Variants in EZH2 observed in about 807,000 individuals in gnomAD.
The protein encoded by EZH2 is histone-lysine N-methyltransferase EZH2.
A neutral mutation model predicts 98.4 loss-of-function variants in EZH2; 18 were observed. The observed-to-expected ratio is 0.18, with a 90% confidence interval of 0.13 to 0.27. The LOEUF is 0.27. Ranked by LOEUF, EZH2 falls within the 10% of genes least tolerant of loss-of-function variation. EZH2 has a pLI of 1.00. For missense variants in EZH2, 470 were observed against 935.1 expected (o/e 0.50, Z 6.49); for synonymous variants, 338 against 312.3 (o/e 1.08, Z -0.87).
At chr7:148,832,932 G>T (rs1487118067) in intron 3 of EZH2, among the ~76,000 whole-genome samples, 182 bp from the exon 4 acceptor site, 2 of 152,080 alleles carry the variant, frequency 1.3e-5, no homozygotes, top group African/African-American at 2.4e-5. Context: ...TACTTAGGGT[G>T]CAAAAATGCT....
intron 5 of EZH2, among the ~76,000 whole-genome samples, chr7:148,829,487 T>C (rs546720159): frequency 6.6e-6 from 1 of 152,366 alleles, no homozygotes; most frequent in East Asian, 1.9e-4. Flanking sequence ...ATTGCCATTA[T>C]GTTATAACCA....
chr7:148,817,786 T>C (rs775991756), intron 10 of EZH2, 91 bp downstream of exon 10: 1 of 1,545,580 alleles, frequency 6.5e-7, no homozygotes, highest in Non-Finnish European at 8.8e-7. Flanking sequence ...ACTAACCAAC[T>C]AAGAAAATTA....
intron 1 of EZH2, among the ~76,000 whole-genome samples, chr7:148,875,233 T>C (rs1452047697): frequency 6.6e-6 from 1 of 152,246 alleles, no homozygotes; most frequent in Non-Finnish European, 1.5e-5. Context: ...AAATGACTCG[T>C]GAATTAAGGA....
chr7:148,881,501 TAC>T (rs1185148167), intron 1 of EZH2, among the ~76,000 whole-genome samples: 1 of 152,208 alleles, frequency 6.6e-6, no homozygotes, highest in Non-Finnish European at 1.5e-5. Flanking sequence ...ACTGACTAAA[TAC>T]ATTCTCAATT....
intron 1 of EZH2, among the ~76,000 whole-genome samples, chr7:148,873,240 C>T (rs1162905483): frequency 1.3e-5 from 2 of 151,894 alleles, no homozygotes; most frequent in Non-Finnish European, 2.9e-5. Context: ...GCCTGTAATC[C>T]TAGCACTTTG....
intron 1 of EZH2, among the ~76,000 whole-genome samples, chr7:148,879,414 G>C (rs1820638306): frequency 6.6e-6 from 1 of 151,660 alleles, no homozygotes; most frequent in Non-Finnish European, 1.5e-5. Flanking sequence ...TCGGAGGCTG[G>C]GCACAGTGAC....
intron 8 of EZH2, among the ~76,000 whole-genome samples, chr7:148,824,690 CTT>C (rs1443452326): frequency 6.6e-6 from 1 of 152,206 alleles, no homozygotes; most frequent in East Asian, 1.9e-4. Context: ...TATTTAGTAA[CTT>C]ATTTTACCTA....
chr7:148,818,223 A>G (rs1159607686), intron 9 of EZH2, 106 bp from the exon 10 acceptor site: 6 of 1,148,172 alleles, frequency 5.2e-6, no homozygotes, highest in African/African-American at 4.6e-5. Context: ...AATGTATCAC[A>G]TTATCCATTT....
chr7:148,832,688 T>C lies in EZH2; in HGVS notation c.309A>G (p.Ala103=), dbSNP rs1449425726. ...AATACATTATGGGTACTGAAGCAAC[T>C]GCATTCAGAGTCTTTAATGGGATGA... The part of the protein sequence containing the change: ...TQVIPLKTLN[A]VASVPIMYSW... Residue 103 remains alanine (A), a synonymous_variant, in exon 4 of 20, where the codon GCA becomes GCG. Transcript: ENST00000320356. The C allele has an allele frequency of 1.2e-6, 2 of 1,611,614 alleles. No individual in the cohort carries two copies. Among genetic ancestry groups the C allele is most frequent in the South Asian group, 2.2e-5 (2 of 90,792 alleles).
chr7:148,815,151 C>G, intron 13 of EZH2, 112 bp from the exon 14 acceptor site: 1 of 1,334,218 alleles, frequency 7.5e-7, no homozygotes, highest in Non-Finnish European at 1.0e-6. Flanking sequence ...AGCTGGCCTG[C>G]CTTTACTGAA....
chr7:148,857,959 T>C (rs1817084101), intron 1 of EZH2, among the ~76,000 whole-genome samples: 2 of 150,396 alleles, frequency 1.3e-5, no homozygotes, highest in Non-Finnish European at 3.0e-5. Flanking sequence ...AAAATATGAA[T>C]AGATGATTAG....
chr7:148,827,036 A>C, intron 7 of EZH2, 128 bp downstream of exon 7: 1 of 657,454 alleles, frequency 1.5e-6, no homozygotes, highest in Non-Finnish European at 2.6e-6. Context: ...TGTTGCTTCA[A>C]GTATCTTGCA....
At chr7:148,848,856 G>A (rs1368092505) in intron 1 of EZH2, among the ~76,000 whole-genome samples, 2 of 152,034 alleles carry the variant, frequency 1.3e-5, no homozygotes, top group African/African-American at 4.8e-5. Flanking sequence ...AAAATCCACA[G>A]ATGCTCAAAA....
intron 8 of EZH2, among the ~76,000 whole-genome samples, chr7:148,825,620 A>G (rs1439804440): frequency 6.6e-6 from 1 of 152,208 alleles, no homozygotes; most frequent in Admixed American, 6.5e-5. Flanking sequence ...AAATCTGTCA[A>G]TGGTAGGCAC....
intron 8 of EZH2, among the ~76,000 whole-genome samples, chr7:148,821,959 C>T (rs1312783683): frequency 2.6e-5 from 4 of 151,982 alleles, no homozygotes; most frequent in Non-Finnish European, 4.4e-5. Context: ...GTTGAGAAAC[C>T]CAAATACATA....
chr7:148,828,827 G>T lies in EZH2; in HGVS notation c.538C>A (p.Gln180Lys). 6.2e-7 allele frequency: 1 copy of T among 1,613,098 alleles called. No homozygotes were observed. Among genetic ancestry groups the T allele is most frequent in the South Asian group, 1.1e-5 (1 of 90,938 alleles). Reference protein sequence around the residue: ...IFVELVNALGQYNDDDDDDDG... With the variant: ...IFVELVNALGKYNDDDDDDDG... ...TCATCATCGTCATCATCATTATATT[G>T]ACCAAGGGCATTCACCAACTCCACA... The change falls in exon 6 of 20, where the codon CAA becomes AAA. Residue 180 changes from glutamine to lysine, a missense_variant. By Grantham distance (53) the Gln-to-Lys change is moderately conservative. This residue lies in a region of EZH2 where 69 missense variants were observed against 78.3 expected (regional missense o/e 0.88). Coordinates refer to ENST00000320356, the MANE Select transcript of EZH2 (RefSeq NM_004456.5).
chr7:148,853,481 G>A (rs992002001), intron 1 of EZH2, among the ~76,000 whole-genome samples: 2 of 152,122 alleles, frequency 1.3e-5, no homozygotes, highest in African/African-American at 4.8e-5. Context: ...GCTTACAATA[G>A]GGTTCACGCT....
At chr7:148,859,378 C>A (rs745533746) in intron 1 of EZH2, among the ~76,000 whole-genome samples, 2 of 152,028 alleles carry the variant, frequency 1.3e-5, no homozygotes, top group African/African-American at 4.8e-5. Context: ...TGGTGGCACA[C>A]ACCTGTAGTC....
rs776562811 is a variant in EZH2 at position 148,818,134 on chromosome 7, G to A, written c.1000-17C>T. 6.5e-7 allele frequency: 1 copy of A among 1,534,498 alleles called. No individual in the cohort carries two copies. ...TGCTCCCTCCTACGAAATGAAAAAT[G>A]TCAACATCAGGGCAAAGTTCTAAAA... On this transcript the variant is annotated splice_polypyrimidine_tract_variant and intron_variant, in intron 9 of 19. Transcript: ENST00000320356.
Sources: allele counts gnomAD v4.1 joint callset (sites outside exome capture counted in the v4.1 genomes callset), GRCh38; gene constraint gnomAD v4.1.1; regional missense constraint gnomAD v4.1.1; transcripts MANE v1.5; gene names NCBI Gene and HGNC (gene_info 2026-07-23, HGNC 2026-07-21).